SLIT1: variants seen among roughly 807,000 people sequenced by gnomAD.
SLIT1 encodes the protein slit homolog 1 protein.
Under a neutral mutation model 186.1 loss-of-function variants are expected in SLIT1, and 66 were observed. That is an observed-to-expected ratio of 0.35 (90% CI 0.29 to 0.44). SLIT1 has a LOEUF of 0.44. Ranked by LOEUF, SLIT1 falls within the 20% of genes least tolerant of loss-of-function variation. SLIT1 has a pLI of 1.00. For missense variants in SLIT1, 1,638 were observed against 2,037.4 expected (o/e 0.80, Z 3.77); for synonymous variants, 761 against 833.8 (o/e 0.91, Z 1.50).
intron 4 of SLIT1, among the ~76,000 whole-genome samples, chr10:97,114,577 T>G (rs1193190792): frequency 6.6e-6 from 1 of 152,066 alleles, no homozygotes. Flanking sequence ...GAGGATCAGT[T>G]GAGCCCAAGA....
Position 97,064,183 on chromosome 10 carries a change from G to C in SLIT1, c.614C>G (p.Pro205Arg). 2 of 1,613,500 alleles carry C rather than the reference G, an allele frequency of 1.2e-6. No individual in the cohort carries two copies. The highest frequency in any genetic ancestry group is 1.7e-6 in the Non-Finnish European group (2 of 1,179,814). ...TIPVSSFNHM[P>R]KLRTFRLHSN... ...GCTGACTCACAAGGTCCGTAGCTTG[G>C]GCATATGGTTGAAGCTGGACACGGG... is the stretch of plus-strand genomic sequence containing the variant. The change falls in exon 7 of 37, where the codon CCC (proline) becomes CGC (arginine). Residue 205 changes from proline to arginine, a missense_variant. Physicochemically the swap from Pro to Arg is moderately radical, Grantham distance 103. Transcript: ENST00000266058.
intron 8 of SLIT1, among the ~76,000 whole-genome samples, chr10:97,061,756 G>A (rs2134637928): frequency 6.6e-6 from 1 of 152,250 alleles, no homozygotes; most frequent in Admixed American, 6.5e-5. Flanking sequence ...GGACATTTTT[G>A]CAGAAAAAAT....
In SLIT1 at chr10:97,060,163, G is replaced by C; in HGVS notation, c.942-5C>G. 6.2e-7 allele frequency: 1 copy of C among 1,613,488 alleles called. No homozygotes were observed. The highest frequency in any genetic ancestry group is 8.5e-7 in the Non-Finnish European group (1 of 1,179,466). On this transcript the variant is annotated splice_polypyrimidine_tract_variant and splice_region_variant and intron_variant, in intron 9 of 36. Transcript: ENST00000266058. The stretch of plus-strand genomic sequence containing the variant: ...ATGCCGTTCAGCTCCAGGCGTCTGC[G>C]GGGAGAAAAGAGAGGGGAAGCCCAA...
intron 30 of SLIT1, among the ~76,000 whole-genome samples, chr10:97,012,904 G>A (rs1214540161): frequency 6.6e-6 from 1 of 152,194 alleles, no homozygotes; most frequent in African/African-American, 2.4e-5. Context: ...GAATGGGGAG[G>A]TCCCAGAAAT....
chr10:97,094,125 C>T (rs1338765560), intron 4 of SLIT1, among the ~76,000 whole-genome samples: 3 of 152,206 alleles, frequency 2.0e-5, no homozygotes, highest in African/African-American at 7.2e-5. Flanking sequence ...CCCAGAGGAC[C>T]TCCTGTGTCC....
intron 1 of SLIT1, among the ~76,000 whole-genome samples, chr10:97,170,768 G>C (rs1341129078): frequency 6.6e-6 from 1 of 152,160 alleles, no homozygotes; most frequent in Admixed American, 6.5e-5. Context: ...GTTACTAAGG[G>C]AAAAACAAAA....
intron 25 of SLIT1, among the ~76,000 whole-genome samples, chr10:97,026,099 C>A (rs894593126): frequency 6.6e-6 from 1 of 151,974 alleles, no homozygotes; most frequent in African/African-American, 2.4e-5. Flanking sequence ...GTATTCCCTT[C>A]CATTTCCTGT....
intron 2 of SLIT1, among the ~76,000 whole-genome samples, chr10:97,164,084 C>T (rs916272282): frequency 6.6e-6 from 1 of 152,250 alleles, no homozygotes; most frequent in South Asian, 2.1e-4. Context: ...TGGGACTCTG[C>T]ATCCCCTCAC....
chr10:97,130,915 TC>T (rs1849647156), intron 4 of SLIT1, among the ~76,000 whole-genome samples: 1 of 152,148 alleles, frequency 6.6e-6, no homozygotes. Context: ...CCCTAGATTT[TC>T]TCAGGGAACA....
chr10:97,143,640 A>T (rs1340556672), intron 4 of SLIT1, among the ~76,000 whole-genome samples: 2 of 152,100 alleles, frequency 1.3e-5, no homozygotes, highest in Non-Finnish European at 2.9e-5. Flanking sequence ...GCCACTATTG[A>T]TGAGAGGTAG....
At chr10:97,121,736 C>T (rs1024203773) in intron 4 of SLIT1, among the ~76,000 whole-genome samples, 2 of 152,170 alleles carry the variant, frequency 1.3e-5, no homozygotes, top group Admixed American at 1.3e-4. Context: ...ACCTCTCAGA[C>T]GTGTAGTTCT....
At chr10:97,138,156 C>T (rs989070901) in intron 4 of SLIT1, among the ~76,000 whole-genome samples, 6 of 152,258 alleles carry the variant, frequency 3.9e-5, no homozygotes, top group Admixed American at 6.5e-5. Flanking sequence ...CTGCATATAC[C>T]GAGGGCTGGC....
At chr10:97,140,521 C>A (rs1370807313) in intron 4 of SLIT1, among the ~76,000 whole-genome samples, 1 of 152,206 alleles carries the variant, frequency 6.6e-6, no homozygotes, top group Non-Finnish European at 1.5e-5. Flanking sequence ...CCTCATTCTC[C>A]ATAAACACAC....
chr10:97,074,342 G>A (rs996643969), intron 4 of SLIT1, among the ~76,000 whole-genome samples: 19 of 152,216 alleles, frequency 1.2e-4, no homozygotes, highest in African/African-American at 4.3e-4. Context: ...ACTGGCCAAG[G>A]GAGAGGCAGG....
At chr10:97,103,310 C>T (rs184556487) in intron 4 of SLIT1, 2 of 152,392 alleles carry the variant, frequency 1.3e-5, no homozygotes, top group African/African-American at 4.8e-5. Flanking sequence ...TGCTTCCCCT[C>T]TCTTTGCAGC....
At chr10:97,081,239 TG>T (rs1849101956) in intron 4 of SLIT1, among the ~76,000 whole-genome samples, 1 of 152,086 alleles carries the variant, frequency 6.6e-6, no homozygotes, top group African/African-American at 2.4e-5. Flanking sequence ...CAGGCTGTGC[TG>T]GGGGAAGGGG....
intron 22 of SLIT1, 108 bp from the exon 23 acceptor site, chr10:97,034,650 G>T: frequency 1.0e-6 from 1 of 998,642 alleles, no homozygotes; most frequent in Non-Finnish European, 1.6e-6. Context: ...TCCCCAGCCA[G>T]GTTGGCCAGG....
rs565258578 is a variant in SLIT1 at position 97,165,002 on chromosome 10, G to C, written c.198-112C>G. On this transcript the variant is annotated intron_variant, in intron 1 of 36. Coordinates refer to ENST00000266058, the MANE Select transcript of SLIT1 (RefSeq NM_003061.3). ...TGGATCAGCCAGTCGTCTCATCAGC[G>C]GGGCTGGGGGCTTCTGTGAGTTGAG... The C allele has an allele frequency of 3.9e-6, 3 of 771,892 alleles. No individual in the cohort carries two copies. In the African/African-American group the frequency reaches 5.1e-5, roughly 13 times the overall value. The allele number at this position is 771,892 out of a possible 1,614,324, so 47.8% of individuals were successfully genotyped here.
Position 97,134,474 on chromosome 10 carries a change from A to C in SLIT1, c.413+23344T>G, listed in dbSNP as rs1160132674. ...TCTCTCTGCGCCCCTGGGTAGGAGC[A>C]GACCACTTATGCCGGCCGAGTCTCC... On this transcript the variant is annotated intron_variant, in intron 4 of 36. Transcript: ENST00000266058. Among the ~76,000 whole-genome samples, 3 of 152,146 alleles carry C rather than the reference A, an allele frequency of 2.0e-5. No individual in the cohort carries two copies. The East Asian group carries it at 5.8e-4, about 29-fold the overall frequency.
Sources: gnomAD v4.1 joint callset for allele counts (sites outside exome capture counted in the v4.1 genomes callset) on GRCh38, gnomAD v4.1.1 for gene constraint, MANE v1.5 for transcripts, NCBI Gene and HGNC (gene_info 2026-07-23, HGNC 2026-07-21) for gene names.